The following CRYBA4 variants were observed in gnomAD, a reference collection of about 807,000 sequenced individuals.
CRYBA4 encodes crystallin beta A4.
In CRYBA4, 30 loss-of-function variants were observed where a neutral mutation model predicts 31.7. The observed-to-expected ratio is 0.95, with a 90% CI of 0.71 to 1.28. CRYBA4 has a LOEUF of 1.28. CRYBA4 is among the 50% of genes most tolerant of loss of function. The pLI is 0.00. For missense variants in CRYBA4, 225 were observed against 260.7 expected (o/e 0.86, Z 0.94); for synonymous variants, 102 against 102.3 (o/e 1.00, Z 0.02).
At chr22:26,591,466 C>CAAAA in the CRYBA4 span, among the ~76,000 whole-genome samples, 3 of 112,322 alleles carry the variant, frequency 2.7e-5, no homozygotes, top group Non-Finnish European at 3.5e-5. Context: ...GACTCTGTCT[C>CAAAA]AAAAAAAAAA....
chr22:26,628,405 G>C lies in CRYBA4; in HGVS notation c.418G>C (p.Gly140Arg), dbSNP rs1929816784. The part of the protein sequence containing the change: ...QAMGWEGNEV[G>R]SFHVHSGAWV... ...CATGGGATGGGAAGGCAATGAAGTA[G>C]GGTCCTTCCACGTCCACTCTGGGGC... The change falls in exon 5 of 6, where the codon GGG becomes CGG. Residue 140 changes from glycine (G) to arginine (R), a missense_variant. Physicochemically the swap from Gly to Arg is moderately radical, Grantham distance 125. Coordinates refer to ENST00000354760, the MANE Select transcript of CRYBA4 (RefSeq NM_001886.3). The C allele has an allele frequency of 6.2e-7, 1 of 1,613,976 alleles. No homozygotes were observed. The highest frequency in any genetic ancestry group is 1.7e-5 in the Admixed American group (1 of 59,994).
the CRYBA4 span, chr22:26,607,747 A>G: frequency 9.1e-7 from 1 of 1,103,646 alleles, no homozygotes; most frequent in Admixed American, 1.9e-5. Flanking sequence ...TGAGCTCAAG[A>G]ATCCACGGTC....
the CRYBA4 span, among the ~76,000 whole-genome samples, chr22:26,606,102 A>G: frequency 6.6e-6 from 1 of 152,238 alleles, no homozygotes; most frequent in Non-Finnish European, 1.5e-5. Context: ...AGCGTGGGCC[A>G]GGGAAGCCAA....
At chr22:26,598,555 T>A in the CRYBA4 span, among the ~76,000 whole-genome samples, 1 of 152,056 alleles carries the variant, frequency 6.6e-6, no homozygotes, top group African/African-American at 2.4e-5. Flanking sequence ...GGTTAACTTT[T>A]GGAATTTTTG....
In CRYBA4 at chr22:26,630,340, C is replaced by A. The variant is rs1929887167; in HGVS notation, c.444C>A (p.Ala148=). The change falls in exon 6 of 6, where the codon GCC becomes GCA. Residue 148 remains alanine, a splice_region_variant and synonymous_variant. Coordinates refer to ENST00000354760, the MANE Select transcript of CRYBA4 (RefSeq NM_001886.3). ...ACTGTCTGCCTTTTCTCTTTTCCAG[C>A]TGGGTTTGCTCCCAGTTTCCGGGCT... ...EVGSFHVHSG[A]WVCSQFPGYR... 1 of 1,614,052 alleles carries A rather than the reference C, an allele frequency of 6.2e-7. No individual in the cohort carries two copies. Among genetic ancestry groups the A allele is most frequent in the African/African-American group, 1.3e-5 (1 of 74,936 alleles).
chr22:26,620,369 C>T (rs1039135711), upstream of CRYBA4, among the ~76,000 whole-genome samples: 1 of 152,132 alleles, frequency 6.6e-6, no homozygotes, highest in African/African-American at 2.4e-5. Context: ...GTTTCTTAGA[C>T]TAATCCCAAC....
At chr22:26,613,704 C>G in the CRYBA4 span, among the ~76,000 whole-genome samples, 1 of 152,084 alleles carries the variant, frequency 6.6e-6, no homozygotes, top group Non-Finnish European at 1.5e-5. Context: ...AATTGTACAG[C>G]ATGTGTGTTT....
chr22:26,594,769 T>C, the CRYBA4 span, among the ~76,000 whole-genome samples: 1 of 152,166 alleles, frequency 6.6e-6, no homozygotes, highest in African/African-American at 2.4e-5. Flanking sequence ...CAGTCAAAAT[T>C]GCCTTGGAGA....
At chr22:26,615,723 A>G in the CRYBA4 span, among the ~76,000 whole-genome samples, 1 of 152,098 alleles carries the variant, frequency 6.6e-6, no homozygotes, top group Non-Finnish European at 1.5e-5. Context: ...CATGTTGGCC[A>G]GGCTGGTCTC....
the CRYBA4 span, among the ~76,000 whole-genome samples, chr22:26,595,590 A>T: frequency 6.6e-6 from 1 of 151,992 alleles, no homozygotes; most frequent in Non-Finnish European, 1.5e-5. Flanking sequence ...AAAAAAAAAA[A>T]AAAAAATGCC....
intron 4 of CRYBA4, among the ~76,000 whole-genome samples, chr22:26,627,333 TC>T (rs1162641199): frequency 3.1e-5 from 1 of 32,414 alleles, no homozygotes; most frequent in African/African-American, 2.3e-4. Context: ...TCTTTTCCTT[TC>T]CCCTCCCTCC....
chr22:26,622,011 G>A (rs762448787), intron 1 of CRYBA4, 25 bp downstream of exon 1: 180 of 985,716 alleles, frequency 1.8e-4, no homozygotes, highest in Non-Finnish European at 2.1e-4. Context: ...TGGAGGAGGG[G>A]TGGGATCAGA....
At chr22:26,600,325 C>A in the CRYBA4 span, among the ~76,000 whole-genome samples, 1 of 151,968 alleles carries the variant, frequency 6.6e-6, no homozygotes, top group Non-Finnish European at 1.5e-5. Context: ...CGGCGTGAAC[C>A]CAGGAGGCGG....
the CRYBA4 span, among the ~76,000 whole-genome samples, chr22:26,595,833 C>T: frequency 1.3e-5 from 2 of 151,776 alleles, no homozygotes; most frequent in Non-Finnish European, 2.9e-5. Context: ...AGTGCAGTGG[C>T]ACATTCATAG....
intron 4 of CRYBA4, 125 bp downstream of exon 4, chr22:26,625,747 G>A: frequency 1.1e-6 from 1 of 910,562 alleles, no homozygotes; most frequent in Non-Finnish European, 1.7e-6. Context: ...GGGCTGTTCA[G>A]TCTCTTTCCT....
chr22:26,604,612 G>A, the CRYBA4 span, among the ~76,000 whole-genome samples: 1 of 152,148 alleles, frequency 6.6e-6, no homozygotes, highest in South Asian at 2.1e-4. Context: ...AAGGGAAGGA[G>A]GGTTGAGGGA....
the CRYBA4 span, among the ~76,000 whole-genome samples, chr22:26,597,509 G>T: frequency 6.6e-6 from 1 of 152,144 alleles, no homozygotes; most frequent in Non-Finnish European, 1.5e-5. Context: ...ACTGCTGTTT[G>T]CTCTGCCTGG....
chr22:26,630,361 G>A lies in CRYBA4; in HGVS notation c.465G>A (p.Pro155=), dbSNP rs117467748. ...HSGAWVCSQF[P]GYRGFQYVLE... ...CCAGCTGGGTTTGCTCCCAGTTTCC[G>A]GGCTACCGAGGATTTCAGTATGTGC... The change falls in exon 6 of 6, where the codon CCG becomes CCA. Residue 155 remains proline, a synonymous_variant. Transcript: ENST00000354760. 1.6e-3 allele frequency: 2,661 copies of A among 1,614,190 alleles called. 3 individuals are homozygous for A. The highest frequency in any genetic ancestry group is 2.0e-3 in the Non-Finnish European group (2,397 of 1,180,016).
chr22:26,616,245 C>A, the CRYBA4 span: 1 of 1,614,050 alleles, frequency 6.2e-7, no homozygotes, highest in Non-Finnish European at 8.5e-7. Context: ...CAGGTGGGGC[C>A]CCCTTCCCCT....
Sources: gnomAD v4.1 joint callset for allele counts (sites outside exome capture counted in the v4.1 genomes callset) on GRCh38, gnomAD v4.1.1 for gene constraint, MANE v1.5 for transcripts, NCBI Gene and HGNC (gene_info 2026-07-23, HGNC 2026-07-21) for gene names.